The following NIBAN1 variants were observed in gnomAD, a reference collection of about 807,000 sequenced individuals.
NIBAN1 encodes protein Niban 1.
NIBAN1 carries 81 observed loss-of-function variants against 75.1 expected under a neutral mutation model. The observed-to-expected ratio is 1.08, with a 90% CI of 0.90 to 1.30. The LOEUF is 1.30. Ranked by LOEUF, NIBAN1 falls within the 50% of genes most tolerant of loss-of-function variation. The pLI is 0.00. For synonymous variants in NIBAN1, 436 were observed against 424.8 expected (o/e 1.03, Z -0.32); for missense variants, 1,133 against 1,128.1 (o/e 1.00, Z -0.06).
chr1:184,894,709 G>C (rs1656754798), intron 2 of NIBAN1, among the ~76,000 whole-genome samples: 1 of 152,156 alleles, frequency 6.6e-6, no homozygotes, highest in Admixed American at 6.5e-5. Flanking sequence ...CCAAAGCCAT[G>C]GGGACCCCTC....
intron 3 of NIBAN1, 38 bp downstream of exon 3, chr1:184,894,037 A>G: frequency 6.5e-7 from 1 of 1,547,888 alleles, no homozygotes; most frequent in Non-Finnish European, 8.7e-7. Context: ...ACTTTTAAGA[A>G]CAGTGTAAGA....
intron 5 of NIBAN1, among the ~76,000 whole-genome samples, chr1:184,835,810 C>T (rs1655126762): frequency 1.3e-5 from 2 of 152,220 alleles, no homozygotes; most frequent in South Asian, 4.1e-4. Flanking sequence ...TTGACTTCCT[C>T]TTTTCCTAAT....
At chr1:184,917,010 G>A (rs998892613) in intron 1 of NIBAN1, among the ~76,000 whole-genome samples, 1 of 151,924 alleles carries the variant, frequency 6.6e-6, no homozygotes, top group African/African-American at 2.4e-5. Flanking sequence ...TTCAAAATCT[G>A]CCCAGCCAAT....
chr1:184,836,513 C>G (rs1263474042), intron 5 of NIBAN1, among the ~76,000 whole-genome samples: 4 of 152,156 alleles, frequency 2.6e-5, no homozygotes, highest in Non-Finnish European at 5.9e-5. Flanking sequence ...CAATGACACT[C>G]CCACTGATGG....
chr1:184,881,097 G>A (rs1325293613), intron 5 of NIBAN1, among the ~76,000 whole-genome samples: 3 of 145,944 alleles, frequency 2.1e-5, no homozygotes, highest in Non-Finnish European at 3.0e-5. Context: ...GCACATGTGA[G>A]CATGCACACA....
chr1:184,942,831 ACAACGCAGCCAGC>A (rs1658130160), intron 1 of NIBAN1, among the ~76,000 whole-genome samples: 1 of 152,140 alleles, frequency 6.6e-6, no homozygotes, highest in Non-Finnish European at 1.5e-5. Flanking sequence ...CTCTGCACTG[ACAACGCAGCCAGC>A]CCTATGGTTT....
intron 1 of NIBAN1, among the ~76,000 whole-genome samples, chr1:184,915,365 A>G (rs1272770673): frequency 6.6e-6 from 1 of 152,244 alleles, no homozygotes; most frequent in East Asian, 1.9e-4. Context: ...CATTAGCAAG[A>G]TGCCTGGATC....
At chr1:184,902,312 A>G (rs548466808) in intron 1 of NIBAN1, among the ~76,000 whole-genome samples, 168 of 152,268 alleles carry the variant, frequency 1.1e-3, no homozygotes, top group Non-Finnish European at 1.3e-3. Flanking sequence ...TCCCATCTCT[A>G]CTACTTGCCA....
rs377372822 is a variant in NIBAN1 at position 184,798,203 on chromosome 1, A to G, written c.1555-13T>C. Reference sequence around the variant, plus strand: ...ATTTCTGAAGCTCCTGGAGAGCAAGAGATTAGAAGATAAAGATGAAAAGGC... The same window carrying G: ...ATTTCTGAAGCTCCTGGAGAGCAAGGGATTAGAAGATAAAGATGAAAAGGC... On this transcript the variant is annotated splice_polypyrimidine_tract_variant and intron_variant, in intron 12 of 13. Coordinates refer to ENST00000367511, the MANE Select transcript of NIBAN1 (RefSeq NM_052966.4). 9 of 1,539,504 alleles carry G rather than the reference A, an allele frequency of 5.8e-6. No homozygotes were observed. The highest frequency in any genetic ancestry group is 8.0e-6 in the Non-Finnish European group (9 of 1,121,614).
intron 6 of NIBAN1, among the ~76,000 whole-genome samples, chr1:184,824,252 CT>C (rs1204785524): frequency 1.3e-5 from 2 of 152,112 alleles, no homozygotes; most frequent in African/African-American, 2.4e-5. Context: ...CATTGTCATC[CT>C]CTTTAATGTT....
chr1:184,934,777 C>G (rs1657911897), intron 1 of NIBAN1, among the ~76,000 whole-genome samples: 1 of 151,228 alleles, frequency 6.6e-6, no homozygotes, highest in Non-Finnish European at 1.5e-5. Flanking sequence ...TGACTGTAGT[C>G]CCAGATACTT....
intron 6 of NIBAN1, among the ~76,000 whole-genome samples, chr1:184,824,783 C>T (rs547336252): frequency 2.2e-4 from 34 of 151,812 alleles, no homozygotes; most frequent in East Asian, 1.9e-3. Flanking sequence ...TTCATTTTTT[C>T]GGGGGGAAGG....
intron 6 of NIBAN1, among the ~76,000 whole-genome samples, chr1:184,830,168 A>G (rs1246662353): frequency 2.6e-5 from 4 of 152,272 alleles, no homozygotes; most frequent in Admixed American, 6.5e-5. Flanking sequence ...TGAAATAACA[A>G]TAACTGCCTT....
At chr1:184,805,664 A>T (rs997313209) in intron 11 of NIBAN1, among the ~76,000 whole-genome samples, 1 of 152,180 alleles carries the variant, frequency 6.6e-6, no homozygotes, top group African/African-American at 2.4e-5. Context: ...TATAGTGGAC[A>T]GCTAATACGT....
chr1:184,831,050 C>A (rs1400534331), intron 6 of NIBAN1, among the ~76,000 whole-genome samples: 2 of 151,814 alleles, frequency 1.3e-5, no homozygotes, highest in Non-Finnish European at 2.9e-5. Flanking sequence ...TGTAAATATG[C>A]CCGTACCCAG....
rs138645177 is a variant in NIBAN1 at position 184,915,045 on chromosome 1, A to G, written c.56-15736T>C. On this transcript the variant is annotated intron_variant, in intron 1 of 13. Coordinates refer to ENST00000367511, the MANE Select transcript of NIBAN1 (RefSeq NM_052966.4). ...CCCATTAACTTTCATTTTAATAGCC[A>G]CGTGTGGCTAATGGTTACCATATTG... Among the ~76,000 whole-genome samples the G allele has an allele frequency of 2.0e-4, 30 of 152,250 alleles. No homozygotes were observed. In the East Asian group the frequency reaches 5.6e-3, roughly 28 times the overall value.
intron 1 of NIBAN1, among the ~76,000 whole-genome samples, chr1:184,932,193 A>C (rs996555124): frequency 6.6e-6 from 1 of 152,208 alleles, no homozygotes; most frequent in African/African-American, 2.4e-5. Flanking sequence ...TTGGGGTGGC[A>C]GATGGTTTTG....
intron 4 of NIBAN1, chr1:184,887,676 G>C (rs935138427): frequency 6.6e-6 from 1 of 152,264 alleles, no homozygotes; most frequent in African/African-American, 2.4e-5. Flanking sequence ...AAGCAAGAAA[G>C]AGCCTGAGCT....
chr1:184,819,998 C>G (rs1654649046), intron 8 of NIBAN1, among the ~76,000 whole-genome samples: 1 of 152,112 alleles, frequency 6.6e-6, no homozygotes, highest in South Asian at 2.1e-4. Context: ...TCCAAAATGA[C>G]TAATATTATT....
Sources: allele counts gnomAD v4.1 joint callset (sites outside exome capture counted in the v4.1 genomes callset), GRCh38; gene constraint gnomAD v4.1.1; transcripts MANE v1.5; gene names NCBI Gene and HGNC (gene_info 2026-07-23, HGNC 2026-07-21).